The following CADM2 variants were observed in gnomAD, a reference collection of about 807,000 sequenced individuals.
The protein encoded by CADM2 is immunoglobulin superfamily member 4D.
CADM2 carries 12 observed loss-of-function variants against 49.8 expected under a neutral mutation model. That is an observed-to-expected ratio of 0.24 (90% CI 0.15 to 0.39). The LOEUF is 0.39. Among genes scored for constraint, CADM2 ranks in the 10% least tolerant of loss-of-function variants. The pLI is 1.00. For missense variants in CADM2, 378 were observed against 492.3 expected, an observed-to-expected ratio of 0.77 and a Z score of 2.20; for synonymous variants, 214 against 175.4, an observed-to-expected ratio of 1.22 and a Z score of -1.74.
At chr3:85,707,218 A>G (rs1343161519) in intron 1 of CADM2, among the ~76,000 whole-genome samples, 2 of 152,014 alleles carry the variant, frequency 1.3e-5, no homozygotes, top group Non-Finnish European at 2.9e-5. Context: ...AAGTGATAAG[A>G]TCAAATAATA....
At chr3:85,307,847 A>G (rs1224220266) in intron 1 of CADM2, among the ~76,000 whole-genome samples, 1 of 151,720 alleles carries the variant, frequency 6.6e-6, no homozygotes, top group Non-Finnish European at 1.5e-5. Flanking sequence ...TTTGTTTCAC[A>G]GCATTAGAAT....
intron 1 of CADM2, among the ~76,000 whole-genome samples, chr3:85,298,833 T>TA (rs2044027550): frequency 6.6e-6 from 1 of 152,260 alleles, no homozygotes; most frequent in East Asian, 1.9e-4. Flanking sequence ...GGATAACATA[T>TA]AGTCATTGAG....
chr3:84,970,459 G>A (rs1387879576), intron 1 of CADM2, among the ~76,000 whole-genome samples: 3 of 70,222 alleles, frequency 4.3e-5, no homozygotes, highest in African/African-American at 1.8e-4. Context: ...AGTGAAATGC[G>A]ACTTTTCTTA....
At chr3:85,578,920 A>G (rs532559594) in intron 1 of CADM2, among the ~76,000 whole-genome samples, 102 of 152,308 alleles carry the variant, frequency 6.7e-4, no homozygotes, top group Admixed American at 2.1e-3. Flanking sequence ...GAGAACTCTT[A>G]AAATTTAACA....
chr3:85,169,555 T>C (rs2040564179), intron 1 of CADM2, among the ~76,000 whole-genome samples: 2 of 152,170 alleles, frequency 1.3e-5, no homozygotes, highest in South Asian at 4.1e-4. Flanking sequence ...GTGGATAACC[T>C]GAGGTCAGGA....
chr3:85,312,288 T>G (rs1008550957), intron 1 of CADM2, among the ~76,000 whole-genome samples: 1 of 152,132 alleles, frequency 6.6e-6, no homozygotes, highest in Non-Finnish European at 1.5e-5. Flanking sequence ...AATTTAAAAT[T>G]AATGACATAA....
chr3:85,945,086 T>C (rs1722486694), intron 7 of CADM2, among the ~76,000 whole-genome samples: 1 of 151,850 alleles, frequency 6.6e-6, no homozygotes, highest in South Asian at 2.1e-4. Context: ...TAAAAAATGA[T>C]AAAGGGGATA....
At chr3:85,708,865 A>G (rs1363831084) in intron 1 of CADM2, among the ~76,000 whole-genome samples, 2 of 152,074 alleles carry the variant, frequency 1.3e-5, no homozygotes, top group Non-Finnish European at 2.9e-5. Flanking sequence ...ATATTTTTTA[A>G]AAAGGTTGTA....
At chr3:85,978,039 A>G (rs895682291) in intron 8 of CADM2, among the ~76,000 whole-genome samples, 1 of 151,682 alleles carries the variant, frequency 6.6e-6, no homozygotes. Context: ...AATCTGTCAA[A>G]CACTCGGAAT....
chr3:85,324,309 A>G (rs1270547375), intron 1 of CADM2, among the ~76,000 whole-genome samples: 1 of 152,216 alleles, frequency 6.6e-6, no homozygotes, highest in Non-Finnish European at 1.5e-5. Context: ...TCATTTGTGC[A>G]TAGTAACAGA....
At chr3:85,256,126 A>G (rs934825376) in intron 1 of CADM2, among the ~76,000 whole-genome samples, 3 of 151,954 alleles carry the variant, frequency 2.0e-5, no homozygotes, top group Non-Finnish European at 4.4e-5. Flanking sequence ...CTCACGCAAC[A>G]GCACTCCTCT....
intron 3 of CADM2, among the ~76,000 whole-genome samples, chr3:85,840,558 C>A (rs539114222): frequency 6.6e-6 from 1 of 151,578 alleles, no homozygotes; most frequent in Non-Finnish European, 1.5e-5. Context: ...CTAATTGATC[C>A]CTCAATTCAA....
chr3:85,845,155 CA>C (rs71112121), intron 3 of CADM2, among the ~76,000 whole-genome samples: 31,506 of 88,168 alleles, frequency 0.36, 2,882 homozygotes, highest in African/African-American at 0.38. Context: ...GACTTAGTCA[CA>C]AAAAAAAAAA....
At chr3:85,560,153 T>C (rs62250467) in intron 1 of CADM2, among the ~76,000 whole-genome samples, 77,894 of 152,022 alleles carry the variant, frequency 0.51, 23,037 homozygotes, top group East Asian at 0.85. Context: ...CTTCACTCTT[T>C]CCAGAAAACA....
intron 1 of CADM2, among the ~76,000 whole-genome samples, chr3:84,976,555 G>A (rs1452419607): frequency 6.6e-6 from 1 of 151,622 alleles, no homozygotes; most frequent in African/African-American, 2.4e-5. Context: ...CTTATATTTG[G>A]TGATAATCTG....
chr3:85,917,472 A>G (rs1484444470), intron 6 of CADM2, among the ~76,000 whole-genome samples: 1 of 152,052 alleles, frequency 6.6e-6, no homozygotes, highest in Non-Finnish European at 1.5e-5. Context: ...AAGATCAGAT[A>G]GTTGTAGATA....
At chr3:85,253,546 C>G (rs2042820477) in intron 1 of CADM2, among the ~76,000 whole-genome samples, 1 of 152,108 alleles carries the variant, frequency 6.6e-6, no homozygotes. Flanking sequence ...TGCTTTTGCA[C>G]AAGATGATCT....
chr3:85,661,572 A>G (rs748785593), intron 1 of CADM2, among the ~76,000 whole-genome samples: 1 of 151,996 alleles, frequency 6.6e-6, no homozygotes, highest in Admixed American at 6.6e-5. Flanking sequence ...TAATCATGAT[A>G]TGAAATGTCC....
At chr3:85,785,735 C>T (rs1228996988) in intron 2 of CADM2, among the ~76,000 whole-genome samples, 1 of 152,090 alleles carries the variant, frequency 6.6e-6, no homozygotes, top group African/African-American at 2.4e-5. Flanking sequence ...AGGGAAGCTT[C>T]CATCTTTGGA....
Sources: gnomAD v4.1 joint callset for allele counts (sites outside exome capture counted in the v4.1 genomes callset) on GRCh38, gnomAD v4.1.1 for gene constraint, MANE v1.5 for transcripts, NCBI Gene and HGNC (gene_info 2026-07-23, HGNC 2026-07-21) for gene names.